Variants in RALY observed in about 807,000 individuals in gnomAD.
The protein encoded by RALY is RNA-binding protein Raly.
In RALY, 15 loss-of-function variants were observed where a neutral mutation model predicts 30.7. The observed-to-expected ratio is 0.49, with a 90% CI of 0.33 to 0.75. The LOEUF (loss-of-function observed/expected upper bound fraction) is 0.75, where lower values mean the gene tolerates loss of function less well. Among genes scored for constraint, RALY ranks in the 30% least tolerant of loss-of-function variants. The pLI is 0.02. For missense variants in RALY, 339 were observed against 414.3 expected (o/e 0.82, Z 1.58); for synonymous variants, 177 against 170.8 (o/e 1.04, Z -0.28).
At chr20:33,998,678 ATGTGCAT>A (rs2030757774) in intron 1 of RALY, among the ~76,000 whole-genome samples, 1 of 152,146 alleles carries the variant, frequency 6.6e-6, no homozygotes, top group Non-Finnish European at 1.5e-5. Context: ...CCATGATTCA[ATGTGCAT>A]TTTGGAAGGA....
In RALY at chr20:34,004,125, G is replaced by A. The variant is rs35756023; in HGVS notation, c.-93+9994G>A. 2.4e-3 allele frequency among the ~76,000 whole-genome samples: 367 copies of A among 152,288 alleles called. 1 individual carries two copies. The highest frequency in any genetic ancestry group is 4.5e-3 in the Non-Finnish European group (305 of 68,030). ...CTCACATAGCAAGTACCATAAAGGG[G>A]TACAATGATTGGGAAGTTCAGAAGG... On this transcript the variant is annotated intron_variant, in intron 1 of 9. Transcript: ENST00000246194.
intron 1 of RALY, among the ~76,000 whole-genome samples, chr20:34,019,784 G>T (rs1036098395): frequency 2.0e-5 from 3 of 152,194 alleles, no homozygotes; most frequent in Non-Finnish European, 4.4e-5. Flanking sequence ...AAGCTTGGCC[G>T]GGCGCGGTGG....
intron 1 of RALY, among the ~76,000 whole-genome samples, chr20:34,003,580 A>G (rs2031017971): frequency 6.6e-6 from 1 of 151,792 alleles, no homozygotes; most frequent in Non-Finnish European, 1.5e-5. Flanking sequence ...CTCTAACCTC[A>G]TACTGTAAGT....
rs1017831923 is a variant in RALY at position 34,084,446 on chromosome 20, C to T, written c.*4541C>T. 2 of 152,292 alleles carry T rather than the reference C, an allele frequency of 1.3e-5. No homozygotes were observed. The highest frequency in any genetic ancestry group is 2.9e-5 in the Non-Finnish European group (2 of 68,066). 9.4% of individuals were successfully genotyped at this position (152,292 alleles called of 1,614,324 possible). A position where few individuals can be genotyped will look rare whatever the true frequency, so the allele number is the denominator to read the frequency against. On this transcript the variant is annotated 3_prime_UTR_variant, in exon 10 of 10. Coordinates refer to ENST00000246194, the MANE Select transcript of RALY (RefSeq NM_016732.3). ...GAGAGCAAGGCTTGGCTAACAAAAA[C>T]AGGCATCCACTGTGTGGTTATGTCT...
rs34859292 is a variant in RALY at position 34,013,413 on chromosome 20, CAA to C, written c.-92-18087_-92-18086del. On this transcript the variant is annotated intron_variant, in intron 1 of 9. Transcript: ENST00000246194. ...TAGGCATCAGAACGAGACCTTGTCTCAAAAAAAAAAAAAAAAAAAAAAAGGCA... is the reference window on the plus strand; with the variant it reads ...TAGGCATCAGAACGAGACCTTGTCTCAAAAAAAAAAAAAAAAAAAAAGGCA... Among the ~76,000 whole-genome samples the C allele has an allele frequency of 6.2e-3, 528 of 84,796 alleles. 2 individuals are homozygous for C. The highest frequency in any genetic ancestry group is 0.015 in the East Asian group (35 of 2,382). 55.6% of individuals were successfully genotyped at this position (84,796 alleles called of 152,430 possible).
At chr20:34,068,039 T>C (rs914505891) in intron 2 of RALY, among the ~76,000 whole-genome samples, 6 of 152,142 alleles carry the variant, frequency 3.9e-5, no homozygotes, top group African/African-American at 1.4e-4. Flanking sequence ...GTAAGAGCAT[T>C]TATAAGCTCC....
chr20:34,003,663 G>C (rs934661195), intron 1 of RALY, among the ~76,000 whole-genome samples: 5 of 128,500 alleles, frequency 3.9e-5, no homozygotes, highest in Admixed American at 2.4e-4. Flanking sequence ...TTTTTGAGAC[G>C]GAGTCTCGCT....
chr20:34,028,704 T>TCAAA (rs2032141388), intron 1 of RALY, among the ~76,000 whole-genome samples: 1 of 22,556 alleles, frequency 4.4e-5, no homozygotes, highest in Non-Finnish European at 7.0e-5. Context: ...AGACTCCATC[T>TCAAA]CAAAAAAAAA....
chr20:34,023,144 A>G (rs990347159), intron 1 of RALY, among the ~76,000 whole-genome samples: 2 of 152,224 alleles, frequency 1.3e-5, no homozygotes, highest in Non-Finnish European at 2.9e-5. Context: ...AAGAAGGGCC[A>G]GGCACTAGTC....
At chr20:34,073,507 G>A in intron 3 of RALY, 56 bp from the exon 4 acceptor site, 3 of 1,473,898 alleles carry the variant, frequency 2.0e-6, no homozygotes, top group Non-Finnish European at 2.8e-6. Flanking sequence ...TGAGGTTGAT[G>A]TGTGTGGGCA....
chr20:34,003,643 T>TTTG (rs1555800481), intron 1 of RALY, among the ~76,000 whole-genome samples: 2 of 144,316 alleles, frequency 1.4e-5, no homozygotes, highest in African/African-American at 5.3e-5. Flanking sequence ...AGTTTTTTTT[T>TTTG]TTTTTTTTTT....
intron 2 of RALY, among the ~76,000 whole-genome samples, chr20:34,061,448 A>G (rs2033414678): frequency 1.3e-5 from 2 of 152,248 alleles, no homozygotes; most frequent in South Asian, 2.1e-4. Context: ...CTTTGGTTTC[A>G]TAGAAGTTCA....
intron 1 of RALY, among the ~76,000 whole-genome samples, chr20:34,001,415 G>C (rs1290917516): frequency 6.6e-6 from 1 of 152,182 alleles, no homozygotes; most frequent in Non-Finnish European, 1.5e-5. Context: ...AGACTGAATA[G>C]CTCTGTTATT....
At chr20:34,073,304 G>C (rs148131188) in intron 3 of RALY, among the ~76,000 whole-genome samples, 4 of 151,992 alleles carry the variant, frequency 2.6e-5, no homozygotes, top group South Asian at 2.1e-4. Context: ...GGTGGGGCGG[G>C]GGGGAGGACA....
chr20:34,060,422 T>G (rs2033382182), intron 2 of RALY, among the ~76,000 whole-genome samples: 1 of 152,248 alleles, frequency 6.6e-6, no homozygotes, highest in Admixed American at 6.5e-5. Flanking sequence ...GAAATGCTTC[T>G]TGTCCCAAGC....
At chr20:34,043,253 G>C (rs2032764399) in intron 2 of RALY, among the ~76,000 whole-genome samples, 1 of 152,170 alleles carries the variant, frequency 6.6e-6, no homozygotes, top group African/African-American at 2.4e-5. Flanking sequence ...GACCATCTTG[G>C]ATGCAAAGAG....
intron 2 of RALY, among the ~76,000 whole-genome samples, chr20:34,051,443 C>G (rs554897209): frequency 1.3e-5 from 2 of 152,254 alleles, no homozygotes; most frequent in South Asian, 4.2e-4. Flanking sequence ...ATAACAATGT[C>G]TACTCCTTAT....
At chr20:34,028,871 T>C (rs796749002) in intron 1 of RALY, among the ~76,000 whole-genome samples, 12 of 152,144 alleles carry the variant, frequency 7.9e-5, no homozygotes, top group African/African-American at 2.7e-4. Flanking sequence ...ACCAAAAATA[T>C]GAGAGCTGGA....
intron 2 of RALY, among the ~76,000 whole-genome samples, chr20:34,071,547 G>A (rs2033728275): frequency 6.6e-6 from 1 of 152,072 alleles, no homozygotes. Flanking sequence ...CAAAGTGCTG[G>A]GATTACAGTT....
Sources: allele counts gnomAD v4.1 joint callset (sites outside exome capture counted in the v4.1 genomes callset), GRCh38; gene constraint gnomAD v4.1.1; transcripts MANE v1.5; gene names NCBI Gene and HGNC (gene_info 2026-07-23, HGNC 2026-07-21).